Variants in KANK1 observed in about 807,000 individuals in gnomAD.
The protein encoded by KANK1 is KN motif and ankyrin repeat domain-containing protein 1.
In KANK1, 109 loss-of-function variants were observed where a neutral mutation model predicts 106.2. The observed-to-expected ratio is 1.03, with a 90% confidence interval of 0.88 to 1.20. The LOEUF (loss-of-function observed/expected upper bound fraction) is 1.20, where lower values mean the gene tolerates loss of function less well. Among genes scored for constraint, KANK1 ranks in the 50% most tolerant of loss-of-function variants. The pLI is 0.00. For synonymous variants in KANK1, 873 were observed against 652.2 expected, an observed-to-expected ratio of 1.34 and a Z score of -5.16; for missense variants, 2,399 against 1,710.7, an observed-to-expected ratio of 1.40 and a Z score of -7.10.
chr9:740,692 C>T, intron 8 of KANK1, 100 bp from the exon 9 acceptor site: 1 of 1,291,890 alleles, frequency 7.7e-7, no homozygotes, highest in African/African-American at 1.5e-5. Flanking sequence ...GGTACCATTT[C>T]ACTGGGCTCC....
intron 1 of KANK1, among the ~76,000 whole-genome samples, chr9:630,034 G>T (rs1171290858): frequency 6.6e-6 from 1 of 151,320 alleles, no homozygotes; most frequent in Non-Finnish European, 1.5e-5. Flanking sequence ...GATCACTTAA[G>T]GCCAGGAGTT....
intron 1 of KANK1, among the ~76,000 whole-genome samples, chr9:630,610 G>A (rs1383754257): frequency 6.6e-6 from 1 of 150,650 alleles, no homozygotes; most frequent in Non-Finnish European, 1.5e-5. Context: ...AGAGGCTGCA[G>A]AAAGCTTAGG....
intron 1 of KANK1, among the ~76,000 whole-genome samples, chr9:541,531 A>C (rs1316673240): frequency 6.6e-6 from 1 of 152,252 alleles, no homozygotes; most frequent in Non-Finnish European, 1.5e-5. Flanking sequence ...AAGAACACAC[A>C]GAGAAAAAGC....
chr9:605,511 T>A (rs1425166349), intron 1 of KANK1, among the ~76,000 whole-genome samples: 2 of 151,588 alleles, frequency 1.3e-5, no homozygotes, highest in African/African-American at 4.9e-5. Context: ...AGTGAAGTCC[T>A]CCTGCTGTAG....
Position 660,409 on chromosome 9 carries a change from A to C in KANK1, c.-83-16481A>C, listed in dbSNP as rs537784987. 6 of 159,312 alleles carry C rather than the reference A, an allele frequency of 3.8e-5. No homozygotes were observed. The South Asian group carries it at 9.7e-4, about 26-fold the overall frequency. The allele number at this position is 159,312 out of a possible 1,614,324, so 9.9% of individuals were successfully genotyped here. ...TTCTGTCCCTTGTCACAAGTTTAAAAACCTCACAGCTTTGTATAATGTAAC... is the reference window on the plus strand; with the variant it reads ...TTCTGTCCCTTGTCACAAGTTTAAACACCTCACAGCTTTGTATAATGTAAC... On this transcript the variant is annotated intron_variant, in intron 1 of 11. Coordinates refer to ENST00000382297, the MANE Select transcript of KANK1 (RefSeq NM_015158.5).
At chr9:730,976 A>T (rs565195337) in intron 4 of KANK1, 182 bp from the exon 5 acceptor site, 13 of 410,822 alleles carry the variant, frequency 3.2e-5, no homozygotes, top group African/African-American at 2.7e-4. Context: ...AATGTTATTA[A>T]TGGAACTTTG....
intron 3 of KANK1, among the ~76,000 whole-genome samples, chr9:482,854 T>C (rs959374949): frequency 3.6e-5 from 5 of 137,848 alleles, no homozygotes; most frequent in African/African-American, 1.6e-4. Flanking sequence ...CAGAAATAAT[T>C]CATAAATTTC....
At chr9:622,314 T>C (rs1005802861) in intron 1 of KANK1, among the ~76,000 whole-genome samples, 13 of 152,180 alleles carry the variant, frequency 8.5e-5, no homozygotes, top group African/African-American at 2.9e-4. Context: ...GGCACTGCTC[T>C]AGGTGTGGTG....
At position 600,706 on chromosome 9, in the gene KANK1, C is replaced by T. The variant is rs57396250; in HGVS notation, c.-83-76184C>T. 0.015 allele frequency among the ~76,000 whole-genome samples: 2,315 copies of T among 151,862 alleles called. 195 individuals carry two copies. The East Asian group carries it at 0.24, about 16-fold the overall frequency. On this transcript the variant is annotated intron_variant, in intron 1 of 11. Transcript: ENST00000382297. Reference sequence around the variant, plus strand: ...ATGCCCAACATAACTTTCATTATCCCTCCACCCATTGCTGGCAGTCATTTT... The same window carrying T: ...ATGCCCAACATAACTTTCATTATCCTTCCACCCATTGCTGGCAGTCATTTT...
chr9:569,700 A>G (rs1818693695), intron 1 of KANK1, among the ~76,000 whole-genome samples: 1 of 152,216 alleles, frequency 6.6e-6, no homozygotes, highest in East Asian at 1.9e-4. Context: ...TCTTTCATCT[A>G]GACTTACCAG....
intron 3 of KANK1, among the ~76,000 whole-genome samples, chr9:728,291 G>T (rs891869034): frequency 1.3e-5 from 2 of 150,582 alleles, no homozygotes; most frequent in African/African-American, 2.5e-5. Context: ...CTCCACCTCC[G>T]GGTTCGAGCC....
chr9:630,689 G>A (rs1231653755), intron 1 of KANK1, among the ~76,000 whole-genome samples: 1 of 151,974 alleles, frequency 6.6e-6, no homozygotes, highest in Non-Finnish European at 1.5e-5. Flanking sequence ...ATCACCTGAG[G>A]TCAGGAGTTT....
At chr9:608,098 C>T (rs549679002) in intron 1 of KANK1, among the ~76,000 whole-genome samples, 10 of 140,358 alleles carry the variant, frequency 7.1e-5, no homozygotes, top group Non-Finnish European at 1.2e-4. Context: ...ACTGCAGTGG[C>T]GCAATCTCGG....
intron 1 of KANK1, among the ~76,000 whole-genome samples, chr9:566,513 A>C (rs556504497): frequency 2.0e-5 from 3 of 152,342 alleles, no homozygotes; most frequent in South Asian, 4.1e-4. Context: ...CAACCTCGCC[A>C]GCACCTGTTA....
intron 1 of KANK1, among the ~76,000 whole-genome samples, chr9:630,630 G>A (rs10975493): frequency 0.12 from 17,772 of 152,004 alleles, 1,389 homozygotes; most frequent in Admixed American, 0.16. Context: ...GGCTGGGCGC[G>A]GTGGCTCATG....
At chr9:507,682 G>T (rs59656343) in intron 1 of KANK1, among the ~76,000 whole-genome samples, 1 of 150,832 alleles carries the variant, frequency 6.6e-6, no homozygotes, top group Non-Finnish European at 1.5e-5. Context: ...TCAGCCTCCC[G>T]AGTAGCTGGG....
intron 2 of KANK1, among the ~76,000 whole-genome samples, chr9:706,319 T>G (rs1824149411): frequency 6.6e-6 from 1 of 152,238 alleles, no homozygotes; most frequent in South Asian, 2.1e-4. Flanking sequence ...TGATACATGC[T>G]TTTTGTGATT....
At chr9:648,403 T>A (rs1165468091) in intron 1 of KANK1, among the ~76,000 whole-genome samples, 57 of 152,190 alleles carry the variant, frequency 3.7e-4, no homozygotes, top group Non-Finnish European at 1.5e-5. Context: ...ATGCCGTATA[T>A]GTATAAGATT....
chr9:719,199 C>T (rs1395939102), intron 3 of KANK1, among the ~76,000 whole-genome samples: 1 of 152,048 alleles, frequency 6.6e-6, no homozygotes, highest in East Asian at 1.9e-4. Context: ...GATCTTCTAA[C>T]CTCATGATCC....
Sources: allele counts gnomAD v4.1 joint callset (sites outside exome capture counted in the v4.1 genomes callset), GRCh38; gene constraint gnomAD v4.1.1; transcripts MANE v1.5; gene names NCBI Gene and HGNC (gene_info 2026-07-23, HGNC 2026-07-21).